Variants in BMERB1 observed in about 807,000 individuals in gnomAD.
BMERB1 encodes bMERB domain-containing protein 1.
A neutral mutation model predicts 23.6 loss-of-function variants in BMERB1; 12 were observed. The observed-to-expected ratio is 0.51, with a 90% CI of 0.33 to 0.82. The LOEUF is 0.82. Ranked by LOEUF, BMERB1 falls within the 40% of genes least tolerant of loss-of-function variation. The probability of loss-of-function intolerance (pLI) is 0.03; values close to 1 mark genes in which losing one functional copy is unlikely to be tolerated. For missense variants in BMERB1, 247 were observed against 255.4 expected, an observed-to-expected ratio of 0.97 and a Z score of 0.22; for synonymous variants, 122 against 96.6, an observed-to-expected ratio of 1.26 and a Z score of -1.54.
At chr16:15,475,547 G>A (rs190602056) in intron 1 of BMERB1, among the ~76,000 whole-genome samples, 29 of 152,322 alleles carry the variant, frequency 1.9e-4, no homozygotes, top group Non-Finnish European at 8.8e-5. Context: ...AGAGATGACA[G>A]TGGAGTAATG....
intron 1 of BMERB1, among the ~76,000 whole-genome samples, chr16:15,498,636 AAGAGGAAG>A (rs1307589146): frequency 6.6e-6 from 1 of 151,944 alleles, no homozygotes; most frequent in East Asian, 1.9e-4. Flanking sequence ...GAAAGGAAGA[AAGAGGAAG>A]GAAGGAAGGG....
chr16:15,550,019 G>C (rs139611011), intron 2 of BMERB1, among the ~76,000 whole-genome samples: 1 of 150,538 alleles, frequency 6.6e-6, no homozygotes, highest in Non-Finnish European at 1.5e-5. Context: ...GTGCCATCTC[G>C]GCTCACTGCA....
At chr16:15,507,137 C>G (rs2051600601) in intron 1 of BMERB1, among the ~76,000 whole-genome samples, 1 of 152,152 alleles carries the variant, frequency 6.6e-6, no homozygotes, top group South Asian at 2.1e-4. Context: ...CTACCATGAC[C>G]CCTGATTGGA....
chr16:15,560,385 C>A (rs1394465960), intron 2 of BMERB1, among the ~76,000 whole-genome samples: 1 of 152,206 alleles, frequency 6.6e-6, no homozygotes, highest in Non-Finnish European at 1.5e-5. Context: ...CTCTGCTACA[C>A]GTAGGTCAAG....
intron 1 of BMERB1, among the ~76,000 whole-genome samples, chr16:15,505,306 C>T (rs935862594): frequency 3.9e-5 from 6 of 152,334 alleles, no homozygotes; most frequent in African/African-American, 7.2e-5. Flanking sequence ...AGGAAAGCTA[C>T]GCATTTTCTC....
At chr16:15,504,244 G>A (rs376903846) in intron 1 of BMERB1, among the ~76,000 whole-genome samples, 45 of 152,200 alleles carry the variant, frequency 3.0e-4, no homozygotes, top group African/African-American at 6.5e-4. Context: ...GCCTGCACAC[G>A]CCAACCCCTT....
At chr16:15,576,739 C>T (rs2030870485) in intron 3 of BMERB1, among the ~76,000 whole-genome samples, 1 of 152,052 alleles carries the variant, frequency 6.6e-6, no homozygotes, top group South Asian at 2.1e-4. Context: ...CTCTTAGCTT[C>T]TGGTAGTGTT....
chr16:15,540,584 C>A lies in BMERB1; in HGVS notation c.230+25156C>A, dbSNP rs568742330. ...TAGCAACTGTTGCCATGGTAACGTG[C>A]AAGTGACTGATGTTCAGGAAACACT... On this transcript the variant is annotated intron_variant, in intron 2 of 5. Coordinates refer to ENST00000300006, the MANE Select transcript of BMERB1 (RefSeq NM_033201.3). Among the ~76,000 whole-genome samples the A allele has an allele frequency of 7.5e-4, 114 of 152,266 alleles. No homozygotes were observed. In the South Asian group the frequency reaches 0.012, roughly 16 times the overall value.
intron 2 of BMERB1, among the ~76,000 whole-genome samples, 196 bp from the exon 3 acceptor site, chr16:15,567,785 CAG>C (rs1314007342): frequency 6.6e-6 from 1 of 152,024 alleles, no homozygotes; most frequent in Non-Finnish European, 1.5e-5. Flanking sequence ...AAACAAAAAA[CAG>C]TGATCATTTC....
chr16:15,514,273 C>CA (rs970541249), intron 1 of BMERB1, among the ~76,000 whole-genome samples: 8 of 151,884 alleles, frequency 5.3e-5, no homozygotes, highest in African/African-American at 1.9e-4. Flanking sequence ...GTCTCCAAAA[C>CA]AAATGAAAAA....
At chr16:15,541,363 G>A (rs1384698743) in intron 2 of BMERB1, among the ~76,000 whole-genome samples, 1 of 150,860 alleles carries the variant, frequency 6.6e-6, no homozygotes, top group Non-Finnish European at 1.5e-5. Flanking sequence ...TAATTCAGTC[G>A]CCAGCCTCCT....
At chr16:15,578,514 T>C (rs1053118438) in intron 3 of BMERB1, among the ~76,000 whole-genome samples, 5 of 152,110 alleles carry the variant, frequency 3.3e-5, no homozygotes, top group Non-Finnish European at 7.4e-5. Context: ...AGAAGAGATA[T>C]AAACTGGGGA....
chr16:15,455,773 A>G lies in BMERB1; in HGVS notation c.106+21014A>G, dbSNP rs182924482. On this transcript the variant is annotated intron_variant, in intron 1 of 5. Transcript: ENST00000300006. ...CACCGCGCCTGGCCATGTTAACTAT[A>G]TATTAAGATACGAAACAGCTTTCTT... Among the ~76,000 whole-genome samples the G allele has an allele frequency of 1.8e-4, 28 of 152,276 alleles. 1 individual carries two copies. The East Asian group carries it at 1.9e-3, about 11-fold the overall frequency.
At chr16:15,547,104 C>T (rs1410241788) in intron 2 of BMERB1, among the ~76,000 whole-genome samples, 1 of 151,378 alleles carries the variant, frequency 6.6e-6, no homozygotes, top group African/African-American at 2.4e-5. Flanking sequence ...CCTCTGCCTC[C>T]TAGGTTCAAG....
At chr16:15,463,654 G>A (rs1445501035) in intron 1 of BMERB1, among the ~76,000 whole-genome samples, 3 of 152,176 alleles carry the variant, frequency 2.0e-5, no homozygotes, top group Admixed American at 2.0e-4. Flanking sequence ...ATGAATCGTA[G>A]TAACTTCTCA....
intron 2 of BMERB1, among the ~76,000 whole-genome samples, chr16:15,550,199 C>T (rs182545015): frequency 5.9e-5 from 9 of 152,290 alleles, no homozygotes; most frequent in Admixed American, 5.2e-4. Flanking sequence ...CTCGGCCTCC[C>T]GAAGTGCTGG....
At chr16:15,501,676 G>T (rs2051531923) in intron 1 of BMERB1, among the ~76,000 whole-genome samples, 1 of 152,236 alleles carries the variant, frequency 6.6e-6, no homozygotes, top group Non-Finnish European at 1.5e-5. Context: ...CTTTCGCCAT[G>T]TTGGCCAGGC....
intron 2 of BMERB1, among the ~76,000 whole-genome samples, chr16:15,559,938 A>G (rs1015704551): frequency 1.3e-5 from 2 of 152,218 alleles, no homozygotes; most frequent in Non-Finnish European, 2.9e-5. Context: ...GCTTAAAAAA[A>G]AAATCACACA....
intron 3 of BMERB1, among the ~76,000 whole-genome samples, chr16:15,569,333 C>T (rs1245532620): frequency 6.6e-6 from 1 of 152,140 alleles, no homozygotes; most frequent in Non-Finnish European, 1.5e-5. Context: ...TGGAAGGCCT[C>T]AGGAAACTTA....
Sources: allele counts gnomAD v4.1 joint callset (sites outside exome capture counted in the v4.1 genomes callset), GRCh38; gene constraint gnomAD v4.1.1; transcripts MANE v1.5; gene names NCBI Gene and HGNC (gene_info 2026-07-23, HGNC 2026-07-21).